Variants in PLEKHG1 observed in about 807,000 individuals in gnomAD.
PLEKHG1 encodes the protein pleckstrin homology domain-containing family G member 1.
In PLEKHG1, 44 loss-of-function variants were observed where a neutral mutation model predicts 100.8. That is an observed-to-expected ratio of 0.44 (90% CI 0.34 to 0.56). PLEKHG1 has a LOEUF of 0.56. PLEKHG1 is among the 20% of genes least tolerant of loss of function. The pLI, the probability that PLEKHG1 is intolerant of heterozygous loss-of-function variation, is 0.01. For missense variants in PLEKHG1, 1,545 were observed against 1,720.9 expected (o/e 0.90, Z 1.81); for synonymous variants, 640 against 662.5 (o/e 0.97, Z 0.52).
At chr6:150,673,452 A>G (rs1779641286) in intron 3 of PLEKHG1, among the ~76,000 whole-genome samples, 1 of 152,198 alleles carries the variant, frequency 6.6e-6, no homozygotes, top group Admixed American at 6.5e-5. Flanking sequence ...TCTATAGGCA[A>G]TGCTTGCTTT....
At chr6:150,768,638 G>A in exon 3 of PLEKHG1, 1 of 1,589,090 alleles carries the variant, frequency 6.3e-7, no homozygotes, top group South Asian at 1.1e-5. Flanking sequence ...GATCTCACAG[G>A]ATTACCTTGA....
intron 2 of PLEKHG1, among the ~76,000 whole-genome samples, chr6:150,742,737 G>A (rs540625246): frequency 7.2e-5 from 11 of 152,166 alleles, no homozygotes; most frequent in African/African-American, 2.6e-4. Context: ...GGTTTGGGCG[G>A]GGACACAGAT....
intron 4 of PLEKHG1, among the ~76,000 whole-genome samples, chr6:150,792,022 T>C (rs929757572): frequency 3.3e-5 from 5 of 152,156 alleles, no homozygotes; most frequent in African/African-American, 1.2e-4. Context: ...AGAAATGGAA[T>C]TGGTAGGAGA....
At chr6:150,637,020 C>T (rs575375591) in intron 1 of PLEKHG1, among the ~76,000 whole-genome samples, 1 of 152,314 alleles carries the variant, frequency 6.6e-6, no homozygotes, top group Non-Finnish European at 1.5e-5. Flanking sequence ...TCTGAAAGTC[C>T]CATATGCGGG....
At chr6:150,749,708 A>G (rs1336781147) in intron 2 of PLEKHG1, among the ~76,000 whole-genome samples, 2 of 152,168 alleles carry the variant, frequency 1.3e-5, no homozygotes, top group African/African-American at 4.8e-5. Context: ...AAAGAAGACT[A>G]CTGATAAAAT....
chr6:150,833,604 G>A (rs1428530921), intron 15 of PLEKHG1, among the ~76,000 whole-genome samples: 1 of 152,192 alleles, frequency 6.6e-6, no homozygotes, highest in South Asian at 2.1e-4. Flanking sequence ...GCCCCTGATT[G>A]TCATAGAAAG....
At chr6:150,718,295 GT>G (rs1214772320), upstream of PLEKHG1, among the ~76,000 whole-genome samples, 4 of 152,064 alleles carry the variant, frequency 2.6e-5, no homozygotes, top group Non-Finnish European at 4.4e-5. Context: ...ACGGTTCAGT[GT>G]GTCCAGCATG....
At chr6:150,752,685 A>T (rs146368766) in intron 2 of PLEKHG1, among the ~76,000 whole-genome samples, 1 of 152,304 alleles carries the variant, frequency 6.6e-6, no homozygotes, top group Non-Finnish European at 1.5e-5. Context: ...CCCTTAACCG[A>T]GGTAAGATGA....
intron 4 of PLEKHG1, among the ~76,000 whole-genome samples, chr6:150,795,500 T>G (rs1378730763): frequency 6.6e-6 from 1 of 152,126 alleles, no homozygotes; most frequent in Non-Finnish European, 1.5e-5. Context: ...TTCTGGCCAC[T>G]TCCCCTCCCT....
chr6:150,809,558 T>G, intron 9 of PLEKHG1, 82 bp downstream of exon 10: 1 of 1,490,732 alleles, frequency 6.7e-7, no homozygotes, highest in South Asian at 1.1e-5. Context: ...TTTGAGAGCG[T>G]TCTGGCCACA....
intron 2 of PLEKHG1, among the ~76,000 whole-genome samples, chr6:150,744,481 A>G (rs745440930): frequency 1.3e-5 from 2 of 152,168 alleles, no homozygotes; most frequent in Non-Finnish European, 2.9e-5. Context: ...TTATTAAAAA[A>G]TTTTTACTGC....
intron 3 of PLEKHG1, among the ~76,000 whole-genome samples, chr6:150,769,951 T>A (rs1784634360): frequency 6.6e-6 from 1 of 151,950 alleles, no homozygotes; most frequent in African/African-American, 2.4e-5. Flanking sequence ...AGGACAGGAG[T>A]CTGTTTTGTT....
rs1389259884 is a variant in PLEKHG1, at chr6:150,801,432, C to CT, written c.780+567dup. 8.5e-3 allele frequency among the ~76,000 whole-genome samples: 1,074 copies of CT among 125,674 alleles called. 22 individuals carry two copies. Among genetic ancestry groups the CT allele is most frequent in the African/African-American group, 0.025 (862 of 33,908 alleles). The allele number at this position is 125,674 out of a possible 152,430, so 82.4% of individuals were successfully genotyped here. A position where few individuals can be genotyped will look rare whatever the true frequency, so the allele number is the denominator to read the frequency against. ...TAGCTCTTAAATTCTTTTTTCTTTTCTTTTCTTTTTTTTTTTTTTTTTTGA... is the reference window on the plus strand; with the variant it reads ...TAGCTCTTAAATTCTTTTTTCTTTTCTTTTTCTTTTTTTTTTTTTTTTTTGA... On this transcript the variant is annotated intron_variant, in intron 6 of 15. Transcript: ENST00000358517.
intron 2 of PLEKHG1, among the ~76,000 whole-genome samples, chr6:150,751,049 G>T (rs1783484617): frequency 6.6e-6 from 1 of 152,164 alleles, no homozygotes; most frequent in Non-Finnish European, 1.5e-5. Flanking sequence ...GCATTCAAAT[G>T]AGAGATATTC....
intron 2 of PLEKHG1, among the ~76,000 whole-genome samples, chr6:150,747,625 G>T (rs1427664288): frequency 6.7e-6 from 1 of 150,098 alleles, no homozygotes; most frequent in Admixed American, 6.8e-5. Flanking sequence ...GGGCGTGGTG[G>T]CTCACACCTC....
intron 3 of PLEKHG1, among the ~76,000 whole-genome samples, chr6:150,702,162 A>G (rs750530330): frequency 6.6e-6 from 1 of 152,234 alleles, no homozygotes; most frequent in Non-Finnish European, 1.5e-5. Flanking sequence ...CAACTGGACA[A>G]CAGAGTGGTT....
intron 2 of PLEKHG1, among the ~76,000 whole-genome samples, chr6:150,738,083 A>T (rs377502010): frequency 1.2e-3 from 177 of 152,010 alleles, no homozygotes; most frequent in African/African-American, 4.1e-3. Flanking sequence ...CAAAATGGTG[A>T]GCTTACAGGT....
At chr6:150,759,193 G>A (rs1294740812) in intron 2 of PLEKHG1, among the ~76,000 whole-genome samples, 3 of 152,222 alleles carry the variant, frequency 2.0e-5, no homozygotes, top group South Asian at 2.1e-4. Flanking sequence ...AGTCTTGAAC[G>A]TGGCAGATGG....
At chr6:150,790,867 C>T (rs1226244853) in intron 4 of PLEKHG1, among the ~76,000 whole-genome samples, 1 of 151,532 alleles carries the variant, frequency 6.6e-6, no homozygotes, top group Non-Finnish European at 1.5e-5. Flanking sequence ...ACTAAAAATA[C>T]AAAAAAATTG....
Sources: gnomAD v4.1 joint callset for allele counts (sites outside exome capture counted in the v4.1 genomes callset) on GRCh38, gnomAD v4.1.1 for gene constraint, MANE v1.5 for transcripts, NCBI Gene and HGNC (gene_info 2026-07-23, HGNC 2026-07-21) for gene names.